The following C1orf174 variants were observed in gnomAD, a reference collection of about 807,000 sequenced individuals.
The protein encoded by C1orf174 is chromosome 1 open reading frame 174.
In C1orf174, 13 loss-of-function variants were observed where a neutral mutation model predicts 18.4. That is an observed-to-expected ratio of 0.71 (90% CI 0.46 to 1.12). The LOEUF (loss-of-function observed/expected upper bound fraction) is 1.12, where lower values mean the gene tolerates loss of function less well. Ranked by LOEUF, C1orf174 falls within the 50% of genes most tolerant of loss-of-function variation. The probability of loss-of-function intolerance (pLI) is 0.00; values close to 1 mark genes in which losing one functional copy is unlikely to be tolerated. For synonymous variants in C1orf174, 100 were observed against 118.3 expected (o/e 0.85, Z 1.01); for missense variants, 309 against 308.0 (o/e 1.00, Z -0.02).
Position 3,890,891 on chromosome 1 carries a change from C to T in C1orf174, c.296G>A (p.Gly99Asp). 6.2e-7 allele frequency: 1 copy of T among 1,613,960 alleles called. No homozygotes were observed. Among genetic ancestry groups the T allele is most frequent in the East Asian group, 2.2e-5 (1 of 44,868 alleles). Residue 99 changes from glycine to aspartate, a missense_variant, in exon 3 of 4, where the codon GGC (glycine) becomes GAC (aspartate). Physicochemically the swap from Gly to Asp is moderately conservative, Grantham distance 94 (BLOSUM62 -1). Coordinates refer to ENST00000361605, the MANE Select transcript of C1orf174 (RefSeq NM_207356.3). Reference protein sequence around the residue: ...ETPCENEFAEGSALLPGSEAG... With the variant: ...ETPCENEFAEDSALLPGSEAG... ...CTCGCTGCCTGGAAGCAAGGCACTG[C>T]CTTCAGCAAACTCATTTTCACAAGG...
Position 3,890,788 on chromosome 1 carries a change from T to C in C1orf174, c.399A>G (p.Ala133=). Residue 133 remains alanine, a synonymous_variant, in exon 3 of 4, where the codon GCA becomes GCG. Transcript: ENST00000361605. The part of the protein sequence containing the change: ...GCRVVSDSRL[A]KTRDGLSVPK... The stretch of plus-strand genomic sequence containing the variant: ...GCACGGACAGGCCATCTCTAGTCTT[T>C]GCTAAGCGAGAGTCACTCACAACTC... The C allele has an allele frequency of 6.2e-7, 1 of 1,613,856 alleles. No homozygotes were observed. The highest frequency in any genetic ancestry group is 8.5e-7 in the Non-Finnish European group (1 of 1,179,998).
rs1638502655 is a variant in C1orf174, at chr1:3,891,065, G to GA, written c.130-9dup. The GA allele has an allele frequency of 6.9e-6, 11 of 1,590,394 alleles. No individual in the cohort carries two copies. Among genetic ancestry groups the GA allele is most frequent in the South Asian group, 2.3e-5 (2 of 88,398 alleles). ...TTTGTGGGATGAGGAAGTCTGTCAA[G>GA]AAAAAAAATGTAAGGGGAACCAGAC... On this transcript the variant is annotated splice_polypyrimidine_tract_variant and intron_variant, in intron 2 of 3. Coordinates refer to ENST00000361605, the MANE Select transcript of C1orf174 (RefSeq NM_207356.3).
intron 2 of C1orf174, 76 bp from the exon 3 acceptor site, chr1:3,891,133 T>G: frequency 6.8e-7 from 1 of 1,468,232 alleles, no homozygotes; most frequent in Middle Eastern, 1.8e-4. Flanking sequence ...AGGCTAGTAT[T>G]TCTTCTCACA....
At chr1:3,898,836 G>C (rs1010502802) in intron 1 of C1orf174, among the ~76,000 whole-genome samples, 1 of 152,188 alleles carries the variant, frequency 6.6e-6, no homozygotes, top group Non-Finnish European at 1.5e-5. Context: ...ACCACAGACA[G>C]AAAGTAATAA....
rs1456068153 is a variant in C1orf174, at chr1:3,889,693, C to A, written c.*267G>T. 7.2e-6 allele frequency: 2 copies of A among 278,704 alleles called. No individual in the cohort carries two copies. Among genetic ancestry groups the A allele is most frequent in the Admixed American group, 1.0e-4 (2 of 19,606 alleles). 17.3% of individuals were successfully genotyped at this position (278,704 alleles called of 1,614,324 possible). A position where few individuals can be genotyped will look rare whatever the true frequency, so the allele number is the denominator to read the frequency against. Reference sequence around the variant, plus strand: ...CTGGGCGACAAGAGAGAAACTCTGTCTCCAAGGAAAAAAAAAAAAAAAAAA... The same window carrying A: ...CTGGGCGACAAGAGAGAAACTCTGTATCCAAGGAAAAAAAAAAAAAAAAAA... On this transcript the variant is annotated 3_prime_UTR_variant, in exon 4 of 4. Coordinates refer to ENST00000361605, the MANE Select transcript of C1orf174 (RefSeq NM_207356.3).
chr1:3,892,773 T>C (rs1156958702), intron 2 of C1orf174, 110 bp downstream of exon 2: 7 of 1,497,354 alleles, frequency 4.7e-6, no homozygotes, highest in East Asian at 4.9e-5. Context: ...CTCTGGCAGA[T>C]AAGTAACAGT....
intron 1 of C1orf174, among the ~76,000 whole-genome samples, chr1:3,899,794 G>A (rs1308465283): frequency 6.6e-6 from 1 of 152,022 alleles, no homozygotes; most frequent in Non-Finnish European, 1.5e-5. Flanking sequence ...CACTTCTCCC[G>A]AGGGCGTGGA....
intron 1 of C1orf174, among the ~76,000 whole-genome samples, chr1:3,894,839 C>T (rs1638577415): frequency 6.6e-6 from 1 of 152,220 alleles, no homozygotes; most frequent in Non-Finnish European, 1.5e-5. Flanking sequence ...GTGCCTGCTA[C>T]CACAGCACAC....
chr1:3,892,846 T>A, intron 2 of C1orf174, 37 bp downstream of exon 2: 1 of 1,607,462 alleles, frequency 6.2e-7, no homozygotes, highest in East Asian at 2.2e-5. Flanking sequence ...GACCCTCGAG[T>A]CAGGATCTTG....
chr1:3,889,846 G>A lies in C1orf174; in HGVS notation c.*114C>T. 14 of 991,022 alleles carry A rather than the reference G, an allele frequency of 1.4e-5. No individual in the cohort carries two copies. The South Asian group carries it at 1.9e-4, about 14-fold the overall frequency. The allele number at this position is 991,022 out of a possible 1,614,324, so 61.4% of individuals were successfully genotyped here. ...CTATTGACTTAGATGGGTCAGTTCT[G>A]AAGTTTGATTAAGACATTCTCTTGG... On this transcript the variant is annotated 3_prime_UTR_variant, in exon 4 of 4. Coordinates refer to ENST00000361605, the MANE Select transcript of C1orf174 (RefSeq NM_207356.3).
At position 3,892,722 on chromosome 1, in the gene C1orf174, G is replaced by A; in HGVS notation, c.129+161C>T. Reference sequence around the variant, plus strand: ...CTGCAGAGTGTGTCTTTCTCTGAAGGCAATTACAGTGCTGTCACCTTTTCA... The same window carrying A: ...CTGCAGAGTGTGTCTTTCTCTGAAGACAATTACAGTGCTGTCACCTTTTCA... On this transcript the variant is annotated intron_variant, in intron 2 of 3. Coordinates refer to ENST00000361605, the MANE Select transcript of C1orf174 (RefSeq NM_207356.3). The A allele has an allele frequency of 8.9e-6, 13 of 1,458,486 alleles. 1 individual carries two copies. In the South Asian group the frequency reaches 1.6e-4, roughly 18 times the overall value. The allele number at this position is 1,458,486 out of a possible 1,614,324, so 90.3% of individuals were successfully genotyped here.
chr1:3,891,857 A>G (rs1293991521), intron 2 of C1orf174: 3 of 972,646 alleles, frequency 3.1e-6, no homozygotes, highest in Non-Finnish European at 3.7e-6. Flanking sequence ...TGCTAGGATC[A>G]GAGCCCGGGT....
intron 1 of C1orf174, chr1:3,895,305 ACC>A (rs1479739671): frequency 2.6e-5 from 4 of 152,060 alleles, no homozygotes; most frequent in Non-Finnish European, 5.9e-5. Flanking sequence ...CCTAGATATG[ACC>A]CCCAACAACT....
At chr1:3,899,012 T>C (rs1408249435) in intron 1 of C1orf174, among the ~76,000 whole-genome samples, 1 of 152,042 alleles carries the variant, frequency 6.6e-6, no homozygotes, top group Non-Finnish European at 1.5e-5. Context: ...TTAAGCTGTA[T>C]ACGGTAAAAC....
At chr1:3,899,813 C>T (rs1168252447) in intron 1 of C1orf174, among the ~76,000 whole-genome samples, 3 of 152,016 alleles carry the variant, frequency 2.0e-5, no homozygotes, top group Non-Finnish European at 2.9e-5. Context: ...GACCGGAGCC[C>T]CCCTTCTCCC....
chr1:3,893,025 T>G (rs140134806), intron 1 of C1orf174, 29 bp from the exon 2 acceptor site: 1 of 1,607,024 alleles, frequency 6.2e-7, no homozygotes, highest in Non-Finnish European at 8.5e-7. Flanking sequence ...ACTCAGAGAG[T>G]GCTCTCAGGA....
intron 1 of C1orf174, among the ~76,000 whole-genome samples, chr1:3,896,576 C>A (rs530640091): frequency 4.9e-4 from 75 of 152,360 alleles, no homozygotes; most frequent in African/African-American, 1.8e-3. Context: ...GGAGAAGTTC[C>A]GGCCTAAGGG....
intron 1 of C1orf174, 85 bp downstream of exon 1, chr1:3,900,087 T>G: frequency 6.7e-7 from 1 of 1,487,978 alleles, no homozygotes; most frequent in South Asian, 1.3e-5. Flanking sequence ...AGGCACCCCG[T>G]GACCCCGCCC....
intron 2 of C1orf174, chr1:3,891,368 T>C (rs1638508170): frequency 2.9e-5 from 8 of 274,244 alleles, no homozygotes; most frequent in Non-Finnish European, 4.8e-5. Flanking sequence ...CATATATTTA[T>C]ATATTATACA....
Sources: gnomAD v4.1 joint callset for allele counts (sites outside exome capture counted in the v4.1 genomes callset) on GRCh38, gnomAD v4.1.1 for gene constraint, MANE v1.5 for transcripts, NCBI Gene and HGNC (gene_info 2026-07-23, HGNC 2026-07-21) for gene names.